BCL2L13: variants seen among roughly 807,000 people sequenced by gnomAD.
BCL2L13 encodes the protein bcl-2-like protein 13.
In BCL2L13, 13 loss-of-function variants were observed where a neutral mutation model predicts 25.8. That is an observed-to-expected ratio of 0.50 (90% confidence interval 0.33 to 0.80). The LOEUF is 0.80. Ranked by LOEUF, BCL2L13 falls within the 30% of genes least tolerant of loss-of-function variation. The pLI is 0.02. For synonymous variants in BCL2L13, 244 were observed against 230.3 expected (o/e 1.06, Z -0.54); for missense variants, 504 against 574.9 (o/e 0.88, Z 1.26).
rs2057953646 is a variant in BCL2L13, at chr22:17,629,262, G to A, written c.-650+257G>A. Among the ~76,000 whole-genome samples the A allele has an allele frequency of 3.3e-5, 5 of 152,148 alleles. No individual in the cohort carries two copies. In the South Asian group the frequency reaches 1.0e-3, roughly 32 times the overall value. On this transcript the variant is annotated intron_variant, in intron 1 of 6. Transcript: ENST00000399782. The stretch of plus-strand genomic sequence containing the variant: ...CTATTCATGTCAACCTTGATTACCT[G>A]AATAAAGTGTAGGGTTTGTAGGTTT...
chr22:17,674,079 C>CA (rs1249455025), intron 2 of BCL2L13, among the ~76,000 whole-genome samples: 2 of 152,122 alleles, frequency 1.3e-5, no homozygotes, highest in Non-Finnish European at 2.9e-5. Context: ...ACAAAATCAT[C>CA]AAACAGCATA....
At chr22:17,710,901 T>A (rs2535713) in intron 6 of BCL2L13, among the ~76,000 whole-genome samples, 21,475 of 151,414 alleles carry the variant, frequency 0.14, 2,044 homozygotes, top group Non-Finnish European at 0.21. Context: ...TAAAAAAAAA[T>A]AAATAAATAA....
chr22:17,719,309 A>T (rs1206414579), intron 6 of BCL2L13, among the ~76,000 whole-genome samples: 1 of 152,150 alleles, frequency 6.6e-6, no homozygotes, highest in African/African-American at 2.4e-5. Flanking sequence ...GTTCAACATC[A>T]TTATTTTCAG....
chr22:17,642,358 C>T (rs1260192930), intron 1 of BCL2L13, among the ~76,000 whole-genome samples: 2 of 151,512 alleles, frequency 1.3e-5, no homozygotes, highest in East Asian at 2.0e-4. Flanking sequence ...GGGGTTTTGC[C>T]ATGTTGGCTA....
chr22:17,689,849 AAAAAAAAAAAACCCAAAAAACCGTT>A (rs2060053335), intron 4 of BCL2L13, among the ~76,000 whole-genome samples: 1 of 151,500 alleles, frequency 6.6e-6, no homozygotes, highest in Non-Finnish European at 1.5e-5. Context: ...TCTCAAAAAA[AAAAAAAAAAAACCCAAAAAACCGTT>A]ATATCTGTAT....
chr22:17,680,229 A>AAAAAAAAAAAAAAG (rs2059698430), intron 2 of BCL2L13, among the ~76,000 whole-genome samples: 1 of 124,932 alleles, frequency 8.0e-6, no homozygotes, highest in Non-Finnish European at 1.7e-5. Flanking sequence ...AAAAAAAAAA[A>AAAAAAAAAAAAAAG]GCTGGGCACG....
intron 4 of BCL2L13, among the ~76,000 whole-genome samples, chr22:17,693,122 A>G (rs2060151310): frequency 6.6e-6 from 1 of 151,982 alleles, no homozygotes; most frequent in South Asian, 2.1e-4. Context: ...CTTTCCGGCT[A>G]TGTGGGTTTG....
rs1342109795 is a variant in BCL2L13 at position 17,726,718 on chromosome 22, T to A, written c.642T>A (p.Pro214=). 6.2e-7 allele frequency: 1 copy of A among 1,614,134 alleles called. No homozygotes were observed. Among genetic ancestry groups the A allele is most frequent in the Non-Finnish European group, 8.5e-7 (1 of 1,180,018 alleles). ...FSLESEEEEY[P]GITAEDSNDI... is the part of the protein sequence containing the mutation. The stretch of plus-strand genomic sequence containing the variant: ...TTGAGTCAGAGGAGGAGGAATACCC[T>A]GGAATCACTGCAGAAGATAGCAATG... Residue 214 remains proline, a synonymous_variant, in exon 7 of 7, where the codon CCT becomes CCA. Transcript: ENST00000317582.
intron 1 of BCL2L13, among the ~76,000 whole-genome samples, chr22:17,631,692 ATATATATATATATATTTTTTTTTTTT>A (rs1393967855): frequency 0.16 from 9,317 of 57,556 alleles, 1,011 homozygotes; most frequent in South Asian, 0.33. Context: ...ATATATATAT[ATATATATATATATATTTTTTTTTTTT>A]TTTTTTTTTT....
At chr22:17,632,717 T>C (rs965324121) in intron 1 of BCL2L13, among the ~76,000 whole-genome samples, 8 of 151,984 alleles carry the variant, frequency 5.3e-5, no homozygotes, top group Non-Finnish European at 8.8e-5. Flanking sequence ...TTTTGTTTTT[T>C]GGAAAACAGT....
chr22:17,715,044 C>T (rs2060873762), intron 6 of BCL2L13, among the ~76,000 whole-genome samples: 1 of 147,430 alleles, frequency 6.8e-6, no homozygotes, highest in Admixed American at 6.9e-5. Flanking sequence ...AGAGAAGTGA[C>T]AGCTATTCAG....
chr22:17,706,778 G>C lies in BCL2L13; in HGVS notation c.600+4392G>C, dbSNP rs16981028. Reference sequence around the variant, plus strand: ...TCATTTCCTGGGCTTGTGTTGCTACGTTAGAAGTCTGTCTGTCTCCTGGAA... The same window carrying C: ...TCATTTCCTGGGCTTGTGTTGCTACCTTAGAAGTCTGTCTGTCTCCTGGAA... On this transcript the variant is annotated intron_variant, in intron 6 of 6. Coordinates refer to ENST00000317582, the MANE Select transcript of BCL2L13 (RefSeq NM_015367.4). The C allele has an allele frequency of 2.2e-6, 3 of 1,352,004 alleles. No homozygotes were observed. The South Asian group carries it at 3.4e-5, about 15-fold the overall frequency. 83.8% of individuals were successfully genotyped at this position (1,352,004 alleles called of 1,614,324 possible). A position where few individuals can be genotyped will look rare whatever the true frequency, so the allele number is the denominator to read the frequency against.
At chr22:17,697,398 A>G (rs1044955424) in intron 5 of BCL2L13, among the ~76,000 whole-genome samples, 7 of 152,166 alleles carry the variant, frequency 4.6e-5, no homozygotes, top group Non-Finnish European at 1.0e-4. Context: ...AGATTGCGCC[A>G]TTGCATTCCA....
chr22:17,671,064 TC>T (rs1448074261), intron 2 of BCL2L13, among the ~76,000 whole-genome samples: 1 of 151,678 alleles, frequency 6.6e-6, no homozygotes, highest in African/African-American at 2.4e-5. Flanking sequence ...ATCGAGACCA[TC>T]CTGGCTAACA....
intron 4 of BCL2L13, among the ~76,000 whole-genome samples, chr22:17,692,969 A>G (rs1017718750): frequency 7.2e-5 from 11 of 152,092 alleles, no homozygotes; most frequent in African/African-American, 2.2e-4. Flanking sequence ...TTATACTTTC[A>G]GCACACTGGC....
intron 5 of BCL2L13, among the ~76,000 whole-genome samples, chr22:17,698,046 C>T (rs2060317121): frequency 1.3e-5 from 2 of 151,348 alleles, no homozygotes; most frequent in Non-Finnish European, 2.9e-5. Context: ...CAACCCTGAC[C>T]TCATGATCCG....
In BCL2L13 at chr22:17,728,994, T is replaced by G. The variant is rs1759350195; in HGVS notation, c.*1460T>G. 1 of 152,184 alleles carries G rather than the reference T, an allele frequency of 6.6e-6. No individual in the cohort carries two copies. The highest frequency in any genetic ancestry group is 1.5e-5 in the Non-Finnish European group (1 of 68,040). The allele number at this position is 152,184 out of a possible 1,614,324, so 9.4% of individuals were successfully genotyped here. ...GGAAGGGCAGACCCGTGTCTTTCCA[T>G]GCCCGAGGGCCACGACGTCACTATG... is the stretch of plus-strand genomic sequence containing the variant. On this transcript the variant is annotated 3_prime_UTR_variant, in exon 7 of 7. Coordinates refer to ENST00000317582, the MANE Select transcript of BCL2L13 (RefSeq NM_015367.4).
intron 2 of BCL2L13, among the ~76,000 whole-genome samples, chr22:17,657,638 A>C (rs1181136377): frequency 6.6e-6 from 1 of 151,246 alleles, no homozygotes; most frequent in African/African-American, 2.4e-5. Context: ...CAGCCTTCCG[A>C]GTAGCTGGGA....
chr22:17,680,011 G>T (rs935340809), intron 2 of BCL2L13, among the ~76,000 whole-genome samples: 1 of 151,242 alleles, frequency 6.6e-6, no homozygotes, highest in East Asian at 2.0e-4. Context: ...TCAGGAGTTC[G>T]AGATCAGCCT....
Sources: allele counts gnomAD v4.1 joint callset (sites outside exome capture counted in the v4.1 genomes callset), GRCh38; gene constraint gnomAD v4.1.1; transcripts MANE v1.5; gene names NCBI Gene and HGNC (gene_info 2026-07-23, HGNC 2026-07-21).